The following MGST2 variants were observed in gnomAD, a reference collection of about 807,000 sequenced individuals.
MGST2 encodes microsomal glutathione S-transferase 2, also known as glutathione peroxidase MGST2.
MGST2 carries 9 observed loss-of-function variants against 16.6 expected under a neutral mutation model. The observed-to-expected ratio is 0.54, with a 90% confidence interval of 0.33 to 0.95. MGST2 has a LOEUF of 0.95. MGST2 is among the 40% of genes least tolerant of loss of function. The pLI, the probability that MGST2 is intolerant of heterozygous loss-of-function variation, is 0.03. For synonymous variants in MGST2, 79 were observed against 68.0 expected, an observed-to-expected ratio of 1.16 and a Z score of -0.79; for missense variants, 159 against 175.1, an observed-to-expected ratio of 0.91 and a Z score of 0.52.
At chr4:139,729,683 T>C (rs1375571324) in intron 5 of MGST2, among the ~76,000 whole-genome samples, 1 of 152,172 alleles carries the variant, frequency 6.6e-6, no homozygotes, top group Admixed American at 6.5e-5. Flanking sequence ...AAGTCAGGTA[T>C]GGGCATCTCT....
chr4:139,749,567 G>A, the MGST2 span, among the ~76,000 whole-genome samples: 59 of 152,296 alleles, frequency 3.9e-4, no homozygotes, highest in African/African-American at 1.3e-3. Flanking sequence ...GGGGGGCGCC[G>A]ATCAGAGAAA....
At chr4:139,707,383 T>A (rs1414436380), downstream of MGST2, among the ~76,000 whole-genome samples, 3 of 151,818 alleles carry the variant, frequency 2.0e-5, no homozygotes, top group East Asian at 3.9e-4. Context: ...ACATGAACTC[T>A]TCATTTTTTA....
intron 1 of MGST2, among the ~76,000 whole-genome samples, chr4:139,678,089 C>T (rs2646068): frequency 6.6e-6 from 1 of 152,132 alleles, no homozygotes; most frequent in Non-Finnish European, 1.5e-5. Flanking sequence ...GGTCTTTGTT[C>T]TGAAGGCTGC....
Position 139,699,805 on chromosome 4 carries a change from A to G in MGST2, c.230-3650A>G, listed in dbSNP as rs561871847. Among the ~76,000 whole-genome samples, 7 of 152,280 alleles carry G rather than the reference A, an allele frequency of 4.6e-5. No homozygotes were observed. In the South Asian group the frequency reaches 1.5e-3, roughly 32 times the overall value. ...TGTAATCCCAGCAATTTGGGAGGCT[A>G]AGGTGGAGGGATTGCTTGAGGCCAG... On this transcript the variant is annotated intron_variant, in intron 3 of 4. Coordinates refer to ENST00000265498, the MANE Select transcript of MGST2 (RefSeq NM_002413.5).
intron 5 of MGST2, chr4:139,719,777 T>C: frequency 6.2e-7 from 1 of 1,613,630 alleles, no homozygotes; most frequent in East Asian, 2.2e-5. Context: ...TTGAAGAGGG[T>C]AGCTGGCGCC....
intron 5 of MGST2, chr4:139,718,678 T>G (rs1728095110): frequency 6.6e-6 from 1 of 152,384 alleles, no homozygotes. Flanking sequence ...TTGCAATTCC[T>G]GAGGGTCATC....
At chr4:139,744,857 G>T (rs1274441800), downstream of MGST2, among the ~76,000 whole-genome samples, 2 of 152,230 alleles carry the variant, frequency 1.3e-5, no homozygotes, top group Admixed American at 6.5e-5. Context: ...AGGCTGACCA[G>T]ACCCGGGATG....
At chr4:139,739,669 G>T (rs1729084601) in intron 5 of MGST2, among the ~76,000 whole-genome samples, 1 of 120,134 alleles carries the variant, frequency 8.3e-6, no homozygotes. Flanking sequence ...AAAGGCAGGG[G>T]AGGAAAGCAG....
intron 5 of MGST2, among the ~76,000 whole-genome samples, chr4:139,733,573 A>C (rs895008007): frequency 2.0e-5 from 3 of 151,968 alleles, no homozygotes; most frequent in Non-Finnish European, 2.9e-5. Context: ...AAAAAAAAAA[A>C]AACCCTCCCA....
intron 2 of MGST2, chr4:139,678,960 T>G (rs1158873063): frequency 2.4e-6 from 1 of 413,262 alleles, no homozygotes; most frequent in Non-Finnish European, 4.4e-6. Flanking sequence ...GAGACCACAA[T>G]AGTCTGAAGT....
At chr4:139,703,329 A>C (rs548328648) in intron 3 of MGST2, 126 bp from the exon 4 acceptor site, 1 of 802,718 alleles carries the variant, frequency 1.2e-6, no homozygotes, top group African/African-American at 1.7e-5. Context: ...GATTCTCTCT[A>C]TATTCTGAAT....
At chr4:139,722,328 T>A (rs1304414686) in intron 5 of MGST2, among the ~76,000 whole-genome samples, 1 of 152,190 alleles carries the variant, frequency 6.6e-6, no homozygotes, top group Admixed American at 6.5e-5. Flanking sequence ...CTAAGGGAAA[T>A]AAAAGGACTT....
chr4:139,681,382 A>G (rs1369016073), intron 2 of MGST2, among the ~76,000 whole-genome samples: 1 of 151,892 alleles, frequency 6.6e-6, no homozygotes, highest in Non-Finnish European at 1.5e-5. Context: ...CTGTTCTTTC[A>G]TTCTTAAAAC....
intron 5 of MGST2, chr4:139,720,222 G>A: frequency 6.2e-7 from 1 of 1,612,728 alleles, no homozygotes; most frequent in South Asian, 1.1e-5. Flanking sequence ...TTCTGGGAGG[G>A]TCCTATTCCC....
downstream of MGST2, among the ~76,000 whole-genome samples, chr4:139,742,362 T>C (rs2111025845): frequency 6.6e-6 from 1 of 152,322 alleles, no homozygotes; most frequent in Non-Finnish European, 1.5e-5. Flanking sequence ...TTGGCCAGGC[T>C]GGTCTCAAAC....
intron 5 of MGST2, among the ~76,000 whole-genome samples, chr4:139,738,539 T>G (rs1168059612): frequency 6.6e-6 from 1 of 152,212 alleles, no homozygotes. Flanking sequence ...AGCGACACTC[T>G]GTCTCAAACA....
chr4:139,727,140 ATTTTC>A, intron 5 of MGST2, among the ~76,000 whole-genome samples: 1 of 152,116 alleles, frequency 6.6e-6, no homozygotes, highest in African/African-American at 2.4e-5. Context: ...CTGCTCTATA[ATTTTC>A]TTTTCTTTTT....
At position 139,686,439 on chromosome 4, in the gene MGST2, C is replaced by T. The variant is rs1197919890; in HGVS notation, c.158+7797C>T. On this transcript the variant is annotated intron_variant, in intron 2 of 4. Transcript: ENST00000265498. ...GGTATGTCTGACTCTCACTTTCCAT[C>T]ATGGCCTGAAACAGCCTCTCAGGTT... 2.0e-5 allele frequency among the ~76,000 whole-genome samples: 3 copies of T among 152,226 alleles called. No individual in the cohort carries two copies. The East Asian group carries it at 5.8e-4, about 29-fold the overall frequency.
the MGST2 span, among the ~76,000 whole-genome samples, chr4:139,750,941 G>A: frequency 6.6e-6 from 1 of 152,176 alleles, no homozygotes; most frequent in African/African-American, 2.4e-5. Context: ...TTTATGGGTA[G>A]TGGGAGTGGA....
Sources: gnomAD v4.1 joint callset for allele counts (sites outside exome capture counted in the v4.1 genomes callset) on GRCh38, gnomAD v4.1.1 for gene constraint, MANE v1.5 for transcripts, NCBI Gene and HGNC (gene_info 2026-07-23, HGNC 2026-07-21) for gene names.